Variants in PLEKHA7 observed in about 807,000 individuals in gnomAD.
PLEKHA7 encodes pleckstrin homology domain containing A7, also known as pleckstrin homology domain-containing family A member 7.
PLEKHA7 carries 104 observed loss-of-function variants against 170.0 expected under a neutral mutation model. That is an observed-to-expected ratio of 0.61 (90% CI 0.52 to 0.72). The LOEUF is 0.72. PLEKHA7 is among the 30% of genes least tolerant of loss of function. The pLI is 0.00. For synonymous variants in PLEKHA7, 648 were observed against 660.8 expected (o/e 0.98, Z 0.30); for missense variants, 1,615 against 1,671.7 (o/e 0.97, Z 0.59).
At chr11:16,818,353 T>A (rs1387354306) in intron 10 of PLEKHA7, among the ~76,000 whole-genome samples, 1 of 152,156 alleles carries the variant, frequency 6.6e-6, no homozygotes, top group South Asian at 2.1e-4. Flanking sequence ...ACACAGAAGG[T>A]CCTTCACTAA....
intron 3 of PLEKHA7, among the ~76,000 whole-genome samples, chr11:16,935,461 G>A (rs1462625224): frequency 6.6e-6 from 1 of 152,236 alleles, no homozygotes; most frequent in Non-Finnish European, 1.5e-5. Flanking sequence ...TCTAGTGTGG[G>A]GAGGGGTAAA....
rs151155916 is a variant in PLEKHA7, at chr11:16,893,729, C to T, written c.222-22547G>A. Among the ~76,000 whole-genome samples the T allele has an allele frequency of 3.7e-3, 556 of 152,278 alleles. 3 individuals are homozygous for T. The highest frequency in any genetic ancestry group is 0.014 in the Middle Eastern group (4 of 294). ...GACCCACATAAATCCTGACATGTAGCGCTTACTCTTACTCCGTAAACCAGG... is the reference window on the plus strand; with the variant it reads ...GACCCACATAAATCCTGACATGTAGTGCTTACTCTTACTCCGTAAACCAGG... On this transcript the variant is annotated intron_variant, in intron 3 of 26. Transcript: ENST00000531066.
At chr11:17,006,810 C>T (rs981923962) in intron 3 of PLEKHA7, among the ~76,000 whole-genome samples, 1 of 152,138 alleles carries the variant, frequency 6.6e-6, no homozygotes, top group Non-Finnish European at 1.5e-5. Context: ...TTAAGGGCAG[C>T]CTCCTGGGCT....
intron 3 of PLEKHA7, among the ~76,000 whole-genome samples, chr11:16,885,352 T>C (rs2135846755): frequency 6.6e-6 from 1 of 151,288 alleles, no homozygotes; most frequent in East Asian, 1.9e-4. Flanking sequence ...AAAATTCATA[T>C]GTAAAAGTAA....
chr11:16,908,258 A>T (rs868751595), intron 3 of PLEKHA7, among the ~76,000 whole-genome samples: 4,965 of 98,444 alleles, frequency 0.05, 129 homozygotes, highest in African/African-American at 0.15. Flanking sequence ...ATGATCAATA[A>T]AAAAAAAAAA....
rs570512900 is a variant in PLEKHA7, at chr11:16,850,085, C to T, written c.696+1106G>A. On this transcript the variant is annotated intron_variant, in intron 8 of 26. Transcript: ENST00000531066. ...CAGATGAAGGACCAGCTGCTCACAC[C>T]ATGGACACCACAGACCAACACTTCC... Among the ~76,000 whole-genome samples the T allele has an allele frequency of 5.3e-5, 8 of 152,324 alleles. No individual in the cohort carries two copies. The East Asian group carries it at 1.5e-3, about 29-fold the overall frequency.
At chr11:16,891,108 T>C (rs1315786064) in intron 3 of PLEKHA7, among the ~76,000 whole-genome samples, 2 of 152,018 alleles carry the variant, frequency 1.3e-5, no homozygotes, top group African/African-American at 4.8e-5. Flanking sequence ...AGAGATGGGG[T>C]CTTGCTATGT....
intron 3 of PLEKHA7, among the ~76,000 whole-genome samples, chr11:16,905,247 C>T (rs1407297320): frequency 6.6e-6 from 1 of 151,982 alleles, no homozygotes; most frequent in Non-Finnish European, 1.5e-5. Context: ...GCAGGAAGAT[C>T]CTGTCTCAAA....
chr11:16,799,474 T>C (rs908702876), intron 17 of PLEKHA7, among the ~76,000 whole-genome samples: 2 of 152,212 alleles, frequency 1.3e-5, no homozygotes, highest in East Asian at 3.8e-4. Flanking sequence ...TCTTACTGTT[T>C]TGGTCTTTTC....
At chr11:16,924,727 C>T (rs1156994231) in intron 3 of PLEKHA7, among the ~76,000 whole-genome samples, 1 of 152,172 alleles carries the variant, frequency 6.6e-6, no homozygotes, top group Non-Finnish European at 1.5e-5. Flanking sequence ...GGGCTTAAAC[C>T]TTGCCTTGCC....
intron 9 of PLEKHA7, among the ~76,000 whole-genome samples, chr11:16,828,155 C>T (rs555498792): frequency 6.6e-6 from 1 of 152,258 alleles, no homozygotes; most frequent in South Asian, 2.1e-4. Context: ...TTGGCTGTGT[C>T]CCCACCCAAA....
intron 3 of PLEKHA7, among the ~76,000 whole-genome samples, chr11:16,973,547 G>C (rs1483352348): frequency 6.6e-6 from 1 of 152,186 alleles, no homozygotes; most frequent in African/African-American, 2.4e-5. Flanking sequence ...CTAACCACAT[G>C]GTTCTCAACC....
At chr11:16,994,314 TC>T (rs1864215112) in intron 3 of PLEKHA7, among the ~76,000 whole-genome samples, 1 of 152,110 alleles carries the variant, frequency 6.6e-6, no homozygotes, top group Admixed American at 6.5e-5. Flanking sequence ...GAGTTGCAGT[TC>T]CAGGGGTCAG....
intron 3 of PLEKHA7, among the ~76,000 whole-genome samples, chr11:16,927,057 T>C (rs1175900643): frequency 7.7e-6 from 1 of 130,096 alleles, no homozygotes; most frequent in Non-Finnish European, 1.8e-5. Flanking sequence ...CCCGCAGCCA[T>C]AGCTAGTCAG....
chr11:16,900,508 ACACC>A (rs1361710258), intron 3 of PLEKHA7, among the ~76,000 whole-genome samples: 1 of 152,216 alleles, frequency 6.6e-6, no homozygotes, highest in Non-Finnish European at 1.5e-5. Flanking sequence ...TACAGCATAG[ACACC>A]CCATTATATT....
intron 3 of PLEKHA7, among the ~76,000 whole-genome samples, chr11:16,977,245 G>A (rs1268324055): frequency 1.3e-5 from 2 of 152,134 alleles, no homozygotes; most frequent in South Asian, 2.1e-4. Context: ...CAGAGAATCA[G>A]AGAGAACTCC....
At chr11:16,962,704 A>G (rs1304121618) in intron 3 of PLEKHA7, among the ~76,000 whole-genome samples, 2 of 152,064 alleles carry the variant, frequency 1.3e-5, no homozygotes, top group Non-Finnish European at 2.9e-5. Context: ...CAAGTGATCC[A>G]CCCACCTCAG....
At chr11:16,956,020 AAGTT>A (rs966908748) in intron 3 of PLEKHA7, among the ~76,000 whole-genome samples, 2 of 152,114 alleles carry the variant, frequency 1.3e-5, no homozygotes, top group Non-Finnish European at 2.9e-5. Flanking sequence ...AAAAACAAAA[AAGTT>A]AGGGATGAGT....
chr11:16,906,742 G>GCCACC (rs1220962031), intron 3 of PLEKHA7, among the ~76,000 whole-genome samples: 2 of 140,962 alleles, frequency 1.4e-5, no homozygotes, highest in Non-Finnish European at 3.0e-5. Flanking sequence ...CTGCCCGGCC[G>GCCACC]CCACCCCGTC....
Sources: gnomAD v4.1 joint callset for allele counts (sites outside exome capture counted in the v4.1 genomes callset) on GRCh38, gnomAD v4.1.1 for gene constraint, MANE v1.5 for transcripts, NCBI Gene and HGNC (gene_info 2026-07-23, HGNC 2026-07-21) for gene names.